The following BCAS1 variants were observed in gnomAD, a reference collection of about 807,000 sequenced individuals.
BCAS1 encodes breast carcinoma-amplified sequence 1.
A neutral mutation model predicts 65.4 loss-of-function variants in BCAS1; 46 were observed. The observed-to-expected ratio is 0.70, with a 90% CI of 0.55 to 0.90. The LOEUF (loss-of-function observed/expected upper bound fraction) is 0.90. BCAS1 is among the 40% of genes least tolerant of loss of function. BCAS1 has a pLI of 0.00. For missense variants in BCAS1, 793 were observed against 771.2 expected, an observed-to-expected ratio of 1.03 and a Z score of -0.33; for synonymous variants, 298 against 293.5, an observed-to-expected ratio of 1.02 and a Z score of -0.16.
chr20:54,040,786 C>T (rs533684425), intron 3 of BCAS1, among the ~76,000 whole-genome samples: 1 of 151,266 alleles, frequency 6.6e-6, no homozygotes, highest in Admixed American at 6.6e-5. Context: ...TTAACAGTTC[C>T]TGGAAAAGTT....
chr20:54,019,367 T>C (rs182352537), intron 4 of BCAS1, among the ~76,000 whole-genome samples: 4 of 152,340 alleles, frequency 2.6e-5, no homozygotes, highest in African/African-American at 7.2e-5. Context: ...TGGATGTCCA[T>C]TGTGAATCTT....
At chr20:54,044,838 A>C (rs1335662091) in intron 3 of BCAS1, among the ~76,000 whole-genome samples, 1 of 81,296 alleles carries the variant, frequency 1.2e-5, no homozygotes, top group East Asian at 4.0e-4. Context: ...ACTCTGTCTC[A>C]AAAAAAAAAA....
intron 3 of BCAS1, among the ~76,000 whole-genome samples, chr20:54,045,450 A>T (rs1273952243): frequency 6.6e-6 from 1 of 152,198 alleles, no homozygotes; most frequent in African/African-American, 2.4e-5. Context: ...CTATTAATGG[A>T]TGTGCTGGGA....
chr20:54,010,940 G>C (rs2091305786), intron 4 of BCAS1, among the ~76,000 whole-genome samples: 2 of 152,120 alleles, frequency 1.3e-5, no homozygotes, highest in South Asian at 2.1e-4. Flanking sequence ...AGTATGCCCA[G>C]ACGACTTTTG....
chr20:53,975,952 G>A (rs1277932104), intron 8 of BCAS1, among the ~76,000 whole-genome samples: 1 of 152,206 alleles, frequency 6.6e-6, no homozygotes, highest in Admixed American at 6.5e-5. Flanking sequence ...GGGGCCAGCA[G>A]CAGGGGCCGC....
chr20:53,966,267 C>T (rs933629071), intron 10 of BCAS1, among the ~76,000 whole-genome samples: 6 of 152,254 alleles, frequency 3.9e-5, no homozygotes, highest in African/African-American at 1.4e-4. Flanking sequence ...GAAAATGTGG[C>T]TTATGTACAC....
intron 11 of BCAS1, 131 bp from the exon 12 acceptor site, chr20:53,953,826 A>G (rs1202168501): frequency 6.4e-6 from 7 of 1,091,470 alleles, no homozygotes; most frequent in Non-Finnish European, 6.4e-6. Flanking sequence ...TCCTAGGTGA[A>G]ATGAATATAA....
At chr20:54,058,593 CT>C (rs3043223) in intron 2 of BCAS1, 53 bp downstream of exon 2, 152,363 of 1,199,874 alleles carry the variant, frequency 0.13, 199 homozygotes, top group Middle Eastern at 0.15. Flanking sequence ...ACAGGAAGTT[CT>C]TTTTTTTTTT....
intron 8 of BCAS1, among the ~76,000 whole-genome samples, chr20:53,976,927 T>C (rs2090349361): frequency 6.6e-6 from 1 of 152,218 alleles, no homozygotes; most frequent in Non-Finnish European, 1.5e-5. Flanking sequence ...GCAGTAGTGT[T>C]ACTGTATTAA....
At chr20:53,969,057 T>G (rs765094312) in intron 9 of BCAS1, among the ~76,000 whole-genome samples, 2 of 152,214 alleles carry the variant, frequency 1.3e-5, no homozygotes, top group African/African-American at 4.8e-5. Flanking sequence ...GGCTGAAATA[T>G]AGGCAATCTA....
At chr20:53,993,838 C>A (rs1240933136) in intron 6 of BCAS1, among the ~76,000 whole-genome samples, 2 of 152,138 alleles carry the variant, frequency 1.3e-5, no homozygotes, top group Non-Finnish European at 2.9e-5. Flanking sequence ...GAAGAAAATT[C>A]TCGAGGAAAC....
chr20:53,947,594 C>T (rs533492676), intron 12 of BCAS1, among the ~76,000 whole-genome samples: 26 of 152,252 alleles, frequency 1.7e-4, no homozygotes, highest in Admixed American at 1.3e-3. Flanking sequence ...ACGAGGTTGA[C>T]GCCACTGTCG....
chr20:54,064,627 C>T (rs933373163), intron 1 of BCAS1, among the ~76,000 whole-genome samples: 3 of 152,196 alleles, frequency 2.0e-5, no homozygotes, highest in Non-Finnish European at 4.4e-5. Flanking sequence ...GGCTGCCCTC[C>T]GCAGTCTCGC....
intron 3 of BCAS1, among the ~76,000 whole-genome samples, chr20:54,034,829 C>T (rs1249097340): frequency 6.6e-6 from 1 of 151,180 alleles, no homozygotes; most frequent in Non-Finnish European, 1.5e-5. Flanking sequence ...ATTGCTAAGG[C>T]AATCCTAAGC....
At position 54,028,646 on chromosome 20, in the gene BCAS1, C is replaced by A. The variant is rs776732651; in HGVS notation, c.469G>T (p.Ala157Ser). The A allele has an allele frequency of 6.2e-7, 1 of 1,614,168 alleles. No individual in the cohort carries two copies. The highest frequency in any genetic ancestry group is 1.1e-5 in the South Asian group (1 of 91,074). Residue 157 changes from alanine to serine, a missense_variant, in exon 4 of 13, where the codon GCC (alanine) becomes TCC (serine). By Grantham distance (99) the Ala-to-Ser change is moderately conservative. Coordinates refer to ENST00000688948, the MANE Select transcript of BCAS1 (RefSeq NM_001366298.2). ...GAGAGGACCTTGTCTTGGGCCGGGG[C>A]GTGCCCTGGGGTTTTATCTGTGTCC... ...GQDTDKTPGH[A>S]PAQDKVLSAA...
chr20:54,019,697 A>G (rs567074929), intron 4 of BCAS1, among the ~76,000 whole-genome samples: 4 of 152,318 alleles, frequency 2.6e-5, no homozygotes, highest in Admixed American at 6.5e-5. Context: ...CAGGTGGAAG[A>G]AGGTGGGATA....
At chr20:54,012,012 C>T (rs987377396) in intron 4 of BCAS1, among the ~76,000 whole-genome samples, 3 of 152,132 alleles carry the variant, frequency 2.0e-5, no homozygotes, top group African/African-American at 7.2e-5. Context: ...GTTGGAACAA[C>T]CAAACATCAA....
Position 54,058,723 on chromosome 20 carries a change from C to A in BCAS1, c.-5G>T. 1 of 1,602,472 alleles carries A rather than the reference C, an allele frequency of 6.2e-7. No individual in the cohort carries two copies. Among genetic ancestry groups the A allele is most frequent in the East Asian group, 2.3e-5 (1 of 44,208 alleles). ...AACACTCATTTGGTTACCCATTGCT[C>A]CTATAATGGAGAGAAAGAGAGGAAG... On this transcript the variant is annotated splice_region_variant and 5_prime_UTR_variant, in exon 2 of 13. Coordinates refer to ENST00000688948, the MANE Select transcript of BCAS1 (RefSeq NM_001366298.2).
chr20:53,953,272 T>C, intron 12 of BCAS1, among the ~76,000 whole-genome samples, 160 bp downstream of exon 12: 1 of 152,136 alleles, frequency 6.6e-6, no homozygotes, highest in Non-Finnish European at 1.5e-5. Flanking sequence ...TGGAGAAGGA[T>C]TGAACCTGCT....
Sources: gnomAD v4.1 joint callset for allele counts (sites outside exome capture counted in the v4.1 genomes callset) on GRCh38, gnomAD v4.1.1 for gene constraint, MANE v1.5 for transcripts, NCBI Gene and HGNC (gene_info 2026-07-23, HGNC 2026-07-21) for gene names.